The following POLG2 variants were observed in gnomAD, a reference collection of about 807,000 sequenced individuals.
The protein encoded by POLG2 is DNA polymerase subunit gamma-2.
A neutral mutation model predicts 56.5 loss-of-function variants in POLG2; 50 were observed. The ratio of observed to expected loss-of-function variants is 0.88; its 90% CI spans 0.71 to 1.12. POLG2 has a LOEUF of 1.12. POLG2 is among the 50% of genes most tolerant of loss of function. POLG2 has a pLI of 0.00. For synonymous variants in POLG2, 226 were observed against 222.6 expected, an observed-to-expected ratio of 1.02 and a Z score of -0.14; for missense variants, 584 against 583.3, an observed-to-expected ratio of 1.00 and a Z score of -0.01.
At chr17:64,489,334 G>A (rs2038015315) in intron 4 of POLG2, among the ~76,000 whole-genome samples, 1 of 142,386 alleles carries the variant, frequency 7.0e-6, no homozygotes, top group African/African-American at 2.7e-5. Context: ...AGTAAATCTA[G>A]AAGGAATGAT....
intron 5 of POLG2, 174 bp downstream of exon 5, chr17:64,485,554 A>G (rs964796457): frequency 4.7e-6 from 3 of 633,278 alleles, no homozygotes; most frequent in South Asian, 1.9e-5. Context: ...CTATTCTGTG[A>G]GAACCTGATT....
chr17:64,490,759 G>T, intron 4 of POLG2, 37 bp downstream of exon 4: 2 of 1,510,476 alleles, frequency 1.3e-6, no homozygotes, highest in Non-Finnish European at 1.8e-6. Flanking sequence ...TAGAGAATCT[G>T]GGTAAAAAAT....
chr17:64,486,130 C>A (rs988469382), intron 4 of POLG2, among the ~76,000 whole-genome samples: 2 of 152,168 alleles, frequency 1.3e-5, no homozygotes, highest in Non-Finnish European at 2.9e-5. Flanking sequence ...CTGTGGTAGG[C>A]ACTGGGCCCA....
At chr17:64,491,003 T>G in intron 3 of POLG2, 34 bp from the exon 4 acceptor site, 1 of 1,511,404 alleles carries the variant, frequency 6.6e-7, no homozygotes. Context: ...TCTTAACATA[T>G]TTAAATAAAC....
chr17:64,488,789 G>A (rs1375816580), intron 4 of POLG2, among the ~76,000 whole-genome samples: 1 of 151,966 alleles, frequency 6.6e-6, no homozygotes, highest in Non-Finnish European at 1.5e-5. Context: ...TCAATATGGT[G>A]AAACCCTGTC....
intron 1 of POLG2, among the ~76,000 whole-genome samples, chr17:64,495,282 T>C (rs958056730): frequency 1.1e-4 from 16 of 150,384 alleles, no homozygotes; most frequent in Non-Finnish European, 1.9e-4. Flanking sequence ...AGGAAATATA[T>C]TTTTAAAAAT....
intron 1 of POLG2, among the ~76,000 whole-genome samples, chr17:64,495,223 C>T (rs1555669279): frequency 6.7e-6 from 1 of 149,390 alleles, no homozygotes; most frequent in Non-Finnish European, 1.5e-5. Context: ...TAGGTGTGCT[C>T]ATTGCTACTG....
At chr17:64,486,137 C>A (rs2037947867) in intron 4 of POLG2, among the ~76,000 whole-genome samples, 1 of 152,144 alleles carries the variant, frequency 6.6e-6, no homozygotes. Flanking sequence ...AGGCACTGGG[C>A]CCACGAAGAC....
rs104894632 is a variant in POLG2 at position 64,477,929 on chromosome 17, C to T, written c.1352G>A (p.Gly451Glu). 1 of 1,613,980 alleles carries T rather than the reference C, an allele frequency of 6.2e-7. No homozygotes were observed. Among genetic ancestry groups the T allele is most frequent in the Non-Finnish European group, 8.5e-7 (1 of 1,179,958 alleles). Residue 451 changes from glycine to glutamate, a missense_variant, in exon 8 of 8, where the codon GGA becomes GAA. Physicochemically the swap from Gly to Glu is moderately conservative, Grantham distance 98 (BLOSUM62 -2). Transcript: ENST00000539111. ...VLVTETTLEN[G>E]LIHLRSRDTT... ...GTCTCTGCTTCTCAGATGTATTAAT[C>T]CATTCTCCAAAGTAGTTTCAGTAAC...
intron 7 of POLG2, among the ~76,000 whole-genome samples, chr17:64,479,081 G>A (rs1049034616): frequency 4.0e-5 from 6 of 151,722 alleles, no homozygotes; most frequent in African/African-American, 1.5e-4. Context: ...AACCTGAGAG[G>A]ACAAGAAAGT....
At position 64,477,833 on chromosome 17, in the gene POLG2, T is replaced by C. The variant is rs1238698384; in HGVS notation, c.1448A>G (p.Lys483Arg). 1 of 1,592,018 alleles carries C rather than the reference T, an allele frequency of 6.3e-7. No individual in the cohort carries two copies. The highest frequency in any genetic ancestry group is 8.5e-7 in the Non-Finnish European group (1 of 1,171,088). ...DFLIKYISSAKNV is the reference protein window; with the variant it reads ...DFLIKYISSARNV ...TACAAATATAAAAATCTATACATTC[T>C]TAGCTGATGATATATACTTAATCAA... Residue 483 changes from lysine (K) to arginine (R), a missense_variant, in exon 8 of 8, where the codon AAG (lysine) becomes AGG (arginine). By Grantham distance (26) the Lys-to-Arg change is conservative (BLOSUM62 2). Coordinates refer to ENST00000539111, the MANE Select transcript of POLG2 (RefSeq NM_007215.4).
intron 4 of POLG2, among the ~76,000 whole-genome samples, chr17:64,488,907 T>C (rs1555668001): frequency 6.6e-6 from 1 of 152,034 alleles, no homozygotes; most frequent in East Asian, 1.9e-4. Context: ...ATCGCGACAC[T>C]GCACTCCAGC....
In POLG2 at chr17:64,496,793, G is replaced by A; in HGVS notation, c.176C>T (p.Ala59Val). ...ELEGNGEHPEAPGSGEGSEAL... is the reference protein window; with the variant it reads ...ELEGNGEHPEVPGSGEGSEAL... Reference sequence around the variant, plus strand: ...CTCGCTTCCCTCTCCAGACCCGGGGGCTTCTGGGTGCTCGCCGTTCCCCTC... The same window carrying A: ...CTCGCTTCCCTCTCCAGACCCGGGGACTTCTGGGTGCTCGCCGTTCCCCTC... Residue 59 changes from alanine to valine, a missense_variant, in exon 1 of 8, where the codon GCC becomes GTC. By Grantham distance (64) the Ala-to-Val change is moderately conservative. Coordinates refer to ENST00000539111, the MANE Select transcript of POLG2 (RefSeq NM_007215.4). 2 of 1,613,784 alleles carry A rather than the reference G, an allele frequency of 1.2e-6. No individual in the cohort carries two copies. Among genetic ancestry groups the A allele is most frequent in the South Asian group, 2.2e-5 (2 of 91,060 alleles).
rs1415525231 is a variant in POLG2 at position 64,477,965 on chromosome 17, A to C, written c.1316T>G (p.Phe439Cys). ...AGTAGTTTCAGTAACCAAAACTGTGAAGAGAATACTCATTTCATCATACCT... is the reference window on the plus strand; with the variant it reads ...AGTAGTTTCAGTAACCAAAACTGTGCAGAGAATACTCATTTCATCATACCT... The part of the protein sequence containing the change: ...YSKYDEMSIL[F>C]TVLVTETTLE... Residue 439 changes from phenylalanine to cysteine, a missense_variant, in exon 8 of 8, where the codon TTC (phenylalanine) becomes TGC (cysteine). Physicochemically the swap from Phe to Cys is radical, Grantham distance 205. Coordinates refer to ENST00000539111, the MANE Select transcript of POLG2 (RefSeq NM_007215.4). 2.5e-6 allele frequency: 4 copies of C among 1,613,836 alleles called. No homozygotes were observed. The highest frequency in any genetic ancestry group is 1.3e-5 in the African/African-American group (1 of 74,918).
rs960126595 is a variant in POLG2 at position 64,493,097 on chromosome 17, T to C, written c.563-76A>G. On this transcript the variant is annotated intron_variant, in intron 1 of 7. Coordinates refer to ENST00000539111, the MANE Select transcript of POLG2 (RefSeq NM_007215.4). ...TCATTTTTGTCAATAGACACATTAATAGTAGTAATAACGTTAACACAGCAT... is the reference window on the plus strand; with the variant it reads ...TCATTTTTGTCAATAGACACATTAACAGTAGTAATAACGTTAACACAGCAT... The C allele has an allele frequency of 5.6e-6, 8 of 1,438,296 alleles. No homozygotes were observed. The South Asian group carries it at 9.2e-5, about 17-fold the overall frequency. The allele number at this position is 1,438,296 out of a possible 1,614,324, so 89.1% of individuals were successfully genotyped here. A position where few individuals can be genotyped will look rare whatever the true frequency, so the allele number is the denominator to read the frequency against.
At chr17:64,478,845 C>T (rs782100168) in intron 7 of POLG2, among the ~76,000 whole-genome samples, 10 of 151,910 alleles carry the variant, frequency 6.6e-5, no homozygotes, top group Non-Finnish European at 1.5e-4. Flanking sequence ...TGCACTAAGC[C>T]GAGATCACGC....
chr17:64,488,252 C>G (rs1332865180), intron 4 of POLG2, among the ~76,000 whole-genome samples: 1 of 151,726 alleles, frequency 6.6e-6, no homozygotes, highest in Non-Finnish European at 1.5e-5. Context: ...TTCAAGAAAG[C>G]ATACTAAATG....
chr17:64,494,649 A>G (rs1325039706), intron 1 of POLG2, among the ~76,000 whole-genome samples: 5 of 152,070 alleles, frequency 3.3e-5, no homozygotes, highest in African/African-American at 1.2e-4. Flanking sequence ...ATTTTAGTCA[A>G]TGTGTTATGA....
chr17:64,481,664 G>C (rs1555666488), intron 6 of POLG2, among the ~76,000 whole-genome samples: 1 of 152,086 alleles, frequency 6.6e-6, no homozygotes, highest in Non-Finnish European at 1.5e-5. Flanking sequence ...CTTGAGGTCA[G>C]GAGTTGGAGA....
Sources: gnomAD v4.1 joint callset for allele counts (sites outside exome capture counted in the v4.1 genomes callset) on GRCh38, gnomAD v4.1.1 for gene constraint, MANE v1.5 for transcripts, NCBI Gene and HGNC (gene_info 2026-07-23, HGNC 2026-07-21) for gene names.